Variants in EPHA8 observed in about 807,000 individuals in gnomAD.
The protein encoded by EPHA8 is EPH receptor A8.
EPHA8 carries 58 observed loss-of-function variants against 103.6 expected under a neutral mutation model. The ratio of observed to expected loss-of-function variants is 0.56; its 90% CI spans 0.45 to 0.70. The LOEUF (loss-of-function observed/expected upper bound fraction) is 0.70. Ranked by LOEUF, EPHA8 falls within the 30% of genes least tolerant of loss-of-function variation. The pLI is 0.00. For synonymous variants in EPHA8, 559 were observed against 572.5 expected (o/e 0.98, Z 0.34); for missense variants, 1,304 against 1,395.2 (o/e 0.93, Z 1.04).
intron 2 of EPHA8, among the ~76,000 whole-genome samples, chr1:22,570,111 C>T (rs1188030552): frequency 2.6e-5 from 4 of 152,150 alleles, no homozygotes; most frequent in Non-Finnish European, 5.9e-5. Flanking sequence ...GTCTTGGCAC[C>T]GAGTCTGGCA....
chr1:22,564,801 GCAGGCTCC>G (rs1264581465), intron 1 of EPHA8, among the ~76,000 whole-genome samples: 2 of 152,094 alleles, frequency 1.3e-5, no homozygotes, highest in Admixed American at 1.3e-4. Context: ...GCGTCTCTGT[GCAGGCTCC>G]CAGGGCTGAT....
intron 2 of EPHA8, among the ~76,000 whole-genome samples, chr1:22,571,788 A>C (rs2124513725): frequency 6.6e-6 from 1 of 152,272 alleles, no homozygotes; most frequent in East Asian, 1.9e-4. Flanking sequence ...GGTGGCTCAC[A>C]CCTGTAATCG....
In EPHA8 at chr1:22,595,224, C is replaced by G; in HGVS notation, c.1604-6C>G. The G allele has an allele frequency of 3.1e-6, 5 of 1,606,372 alleles. No individual in the cohort carries two copies. Among genetic ancestry groups the G allele is most frequent in the Non-Finnish European group, 4.3e-6 (5 of 1,174,486 alleles). On this transcript the variant is annotated splice_polypyrimidine_tract_variant and splice_region_variant and intron_variant, in intron 7 of 16. Transcript: ENST00000166244. ...CTGGTCCCCCAACCCTGGCTTTCCC[C>G]TGCAGGGCCCCGCTATGACACCAGG...
At chr1:22,588,038 T>C (rs1641264963) in intron 4 of EPHA8, among the ~76,000 whole-genome samples, 1 of 152,258 alleles carries the variant, frequency 6.6e-6, no homozygotes, top group Admixed American at 6.5e-5. Context: ...CTTTAGGTTC[T>C]GGAAAGCTTA....
chr1:22,575,476 G>A (rs1017782166), intron 2 of EPHA8, among the ~76,000 whole-genome samples: 39 of 152,246 alleles, frequency 2.6e-4, no homozygotes, highest in African/African-American at 7.9e-4. Flanking sequence ...AATTCTTTAT[G>A]TATTCTGGAT....
At chr1:22,570,744 A>G (rs1227110687) in intron 2 of EPHA8, among the ~76,000 whole-genome samples, 1 of 152,226 alleles carries the variant, frequency 6.6e-6, no homozygotes, top group Non-Finnish European at 1.5e-5. Context: ...CTGGCTCTCC[A>G]GGTCCCTGAG....
Position 22,569,227 on chromosome 1 carries a change from G to T in EPHA8, c.95-62G>T. 6.4e-7 allele frequency: 1 copy of T among 1,567,944 alleles called. No individual in the cohort carries two copies. Among genetic ancestry groups the T allele is most frequent in the Non-Finnish European group, 8.8e-7 (1 of 1,139,622 alleles). On this transcript the variant is annotated intron_variant, in intron 1 of 16. Coordinates refer to ENST00000166244, the MANE Select transcript of EPHA8 (RefSeq NM_020526.5). The surrounding 1 kb of genome is among the most constrained non-coding windows in gnomAD (Gnocchi z 4.5). ...TGGACCAGTGTAGCTGGGTCAGGCT[G>T]CTCTTGAGGAGCTGGGGAGAAGTCA...
At chr1:22,578,399 TGA>T (rs530727718) in intron 3 of EPHA8, among the ~76,000 whole-genome samples, 270 of 130,798 alleles carry the variant, frequency 2.1e-3, no homozygotes, top group Non-Finnish European at 3.5e-3. Flanking sequence ...CATGTCTGCA[TGA>T]GTGTATGCAT....
intron 3 of EPHA8, among the ~76,000 whole-genome samples, chr1:22,581,795 T>TA (rs1641054409): frequency 1.3e-5 from 2 of 152,230 alleles, no homozygotes; most frequent in African/African-American, 4.8e-5. Context: ...ACAGGTTTTA[T>TA]AAAAAATATT....
intron 2 of EPHA8, among the ~76,000 whole-genome samples, chr1:22,570,500 ATAATAT>A (rs1366070600): frequency 1.2e-4 from 18 of 152,418 alleles, no homozygotes; most frequent in South Asian, 1.0e-3. Context: ...CAGAAGAATA[ATAATAT>A]TAATAATGAT....
At chr1:22,588,380 G>A (rs1256043882) in intron 4 of EPHA8, among the ~76,000 whole-genome samples, 4 of 152,184 alleles carry the variant, frequency 2.6e-5, no homozygotes, top group African/African-American at 9.7e-5. Flanking sequence ...CGGCTGCTTG[G>A]TGCACACAGC....
intron 3 of EPHA8, among the ~76,000 whole-genome samples, chr1:22,585,974 C>A (rs370784956): frequency 1.3e-5 from 2 of 152,274 alleles, no homozygotes; most frequent in South Asian, 4.1e-4. Flanking sequence ...TGTCCCCCCC[C>A]TTTCTAGTCG....
In EPHA8 at chr1:22,597,664, C is replaced by G. The variant is rs1204990896; in HGVS notation, c.1931-12C>G. 1 of 1,594,870 alleles carries G rather than the reference C, an allele frequency of 6.3e-7. No individual in the cohort carries two copies. The highest frequency in any genetic ancestry group is 8.5e-7 in the Non-Finnish European group (1 of 1,169,674). The stretch of plus-strand genomic sequence containing the variant: ...GCCCTCCCTCCACACCTGCCCCTCT[C>G]GGGGCCTGCAGGAGACTCCGGGGAA... On this transcript the variant is annotated splice_polypyrimidine_tract_variant and intron_variant, in intron 10 of 16. Transcript: ENST00000166244. The surrounding 1 kb of genome is among the most constrained non-coding windows in gnomAD (Gnocchi z 4.6).
At chr1:22,578,025 GTGTGCATGTGTATGTA>G (rs1251019115) in intron 3 of EPHA8, among the ~76,000 whole-genome samples, 4 of 103,716 alleles carry the variant, frequency 3.9e-5, no homozygotes, top group South Asian at 3.4e-4. Context: ...ATGTGTACAT[GTGTGCATGTGTATGTA>G]TGTGCATGTG....
chr1:22,599,972 AGAAG>A (rs1325733525), intron 13 of EPHA8, among the ~76,000 whole-genome samples: 2 of 63,870 alleles, frequency 3.1e-5, no homozygotes, highest in African/African-American at 1.5e-4. Flanking sequence ...AGGAAGGACA[AGAAG>A]GAAGGAGAGA....
intron 1 of EPHA8, among the ~76,000 whole-genome samples, chr1:22,568,353 G>C (rs1331878054): frequency 6.6e-6 from 1 of 152,182 alleles, no homozygotes; most frequent in African/African-American, 2.4e-5. Context: ...GAGTGACTTT[G>C]CCCTTTGGAC....
Position 22,600,729 on chromosome 1 carries a change from C to T in EPHA8, c.2457C>T (p.Ser819=), listed in dbSNP as rs765282827. ...CCTTCCGCACCTTCTCCTCGGCCAGCGACGTGTGGAGCTTCGGCGTGGTCA... is the reference window on the plus strand; with the variant it reads ...CCTTCCGCACCTTCTCCTCGGCCAGTGACGTGTGGAGCTTCGGCGTGGTCA... ...AIAFRTFSSA[S]DVWSFGVVMW... The change falls in exon 14 of 17, where the codon AGC becomes AGT. Residue 819 remains serine (S), a synonymous_variant. Transcript: ENST00000166244. 17 of 1,613,474 alleles carry T rather than the reference C, an allele frequency of 1.1e-5. No homozygotes were observed. Among genetic ancestry groups the T allele is most frequent in the Middle Eastern group, 3.3e-4 (2 of 6,080 alleles).
chr1:22,588,845 C>T (rs768102805), intron 4 of EPHA8, 26 bp from the exon 5 acceptor site: 3 of 1,552,672 alleles, frequency 1.9e-6, no homozygotes, highest in Non-Finnish European at 2.6e-6. Context: ...ATAACCACTG[C>T]CCCATCTGTC....
intron 8 of EPHA8, among the ~76,000 whole-genome samples, 190 bp from the exon 9 acceptor site, chr1:22,595,916 G>T (rs1641503992): frequency 6.6e-6 from 1 of 152,244 alleles, no homozygotes; most frequent in Non-Finnish European, 1.5e-5. Flanking sequence ...TGACCATCAT[G>T]GCGGTCACAG....
Sources: allele counts gnomAD v4.1 joint callset (sites outside exome capture counted in the v4.1 genomes callset), GRCh38; gene constraint gnomAD v4.1.1; non-coding constraint Gnocchi (gnomAD v3.1); transcripts MANE v1.5; gene names NCBI Gene and HGNC (gene_info 2026-07-23, HGNC 2026-07-21).